LPAR1: variants seen among roughly 807,000 people sequenced by gnomAD.
LPAR1 encodes LPA receptor 1.
In LPAR1, 5 loss-of-function variants were observed where a neutral mutation model predicts 23.8. The ratio of observed to expected loss-of-function variants is 0.21; its 90% CI spans 0.11 to 0.44. LPAR1 has a LOEUF of 0.44. Ranked by LOEUF, LPAR1 falls within the 20% of genes least tolerant of loss-of-function variation. The pLI is 0.99. For synonymous variants in LPAR1, 160 were observed against 164.7 expected (o/e 0.97, Z 0.22); for missense variants, 311 against 482.8 (o/e 0.64, Z 3.33).
At chr9:111,015,462 G>T (rs1212058298) in intron 2 of LPAR1, among the ~76,000 whole-genome samples, 1 of 151,994 alleles carries the variant, frequency 6.6e-6, no homozygotes, top group African/African-American at 2.4e-5. Context: ...AGTACTATAC[G>T]ATCTCAACTT....
rs528128772 is a variant in LPAR1 at position 110,992,377 on chromosome 9, C to G, written c.-181-18819G>C. Among the ~76,000 whole-genome samples, 14 of 152,260 alleles carry G rather than the reference C, an allele frequency of 9.2e-5. No individual in the cohort carries two copies. The South Asian group carries it at 2.7e-3, about 29-fold the overall frequency. ...AAGTGTCAGTGAGGATTTAAAGAAG[C>G]TGCAACTCTCACACACTGATGTGGG... On this transcript the variant is annotated intron_variant, in intron 2 of 5. Coordinates refer to ENST00000683809, the MANE Select transcript of LPAR1 (RefSeq NM_001351411.2).
intron 2 of LPAR1, among the ~76,000 whole-genome samples, chr9:111,024,396 C>T (rs2097640323): frequency 6.8e-6 from 1 of 147,216 alleles, no homozygotes; most frequent in African/African-American, 2.5e-5. Flanking sequence ...TATATATATA[C>T]ACACACACAT....
intron 4 of LPAR1, among the ~76,000 whole-genome samples, chr9:110,946,505 A>G (rs2095385406): frequency 6.6e-6 from 1 of 152,208 alleles, no homozygotes; most frequent in African/African-American, 2.4e-5. Flanking sequence ...CCCATTATAC[A>G]GAGAAATTTT....
chr9:111,014,339 C>T (rs1303661475), intron 2 of LPAR1, among the ~76,000 whole-genome samples: 3 of 152,116 alleles, frequency 2.0e-5, no homozygotes, highest in Non-Finnish European at 2.9e-5. Context: ...CCATTTCTCT[C>T]GGCGCCTCTT....
chr9:111,030,311 A>G (rs1354995708), intron 2 of LPAR1, among the ~76,000 whole-genome samples: 1 of 152,196 alleles, frequency 6.6e-6, no homozygotes, highest in Non-Finnish European at 1.5e-5. Context: ...CACTTAGTTG[A>G]CAATAATCCT....
chr9:110,918,551 A>G (rs2182577), intron 5 of LPAR1, among the ~76,000 whole-genome samples: 119,494 of 151,910 alleles, frequency 0.79, 47,256 homozygotes, highest in African/African-American at 0.84. Flanking sequence ...AGCGGTCTGG[A>G]TATAAGATTT....
intron 2 of LPAR1, among the ~76,000 whole-genome samples, chr9:110,980,414 C>T (rs1213943400): frequency 6.6e-6 from 1 of 151,992 alleles, no homozygotes; most frequent in African/African-American, 2.4e-5. Context: ...CTCCTCTTTC[C>T]TGGCAAGCCT....
intron 5 of LPAR1, among the ~76,000 whole-genome samples, chr9:110,919,365 C>T (rs895087260): frequency 5.9e-5 from 9 of 152,204 alleles, no homozygotes; most frequent in Admixed American, 3.3e-4. Flanking sequence ...CTTCCCTAGT[C>T]GAGCCTCCAC....
At chr9:111,038,832 G>A (rs1417556312), upstream of LPAR1, 2 of 320,438 alleles carry the variant, frequency 6.2e-6, no homozygotes, top group South Asian at 2.2e-5. The surrounding 1 kb of genome is among the most constrained non-coding windows in gnomAD (Gnocchi z 4.4). Flanking sequence ...ACCCGTGGCC[G>A]CCAGCTCGGG....
intron 4 of LPAR1, among the ~76,000 whole-genome samples, chr9:110,967,024 G>A (rs1240397113): frequency 1.3e-5 from 2 of 152,124 alleles, no homozygotes; most frequent in Non-Finnish European, 2.9e-5. Context: ...AATATCCACA[G>A]GATACGAACA....
chr9:111,026,568 A>C (rs2097695980), intron 2 of LPAR1, among the ~76,000 whole-genome samples: 1 of 152,196 alleles, frequency 6.6e-6, no homozygotes, highest in Admixed American at 6.5e-5. Flanking sequence ...ACTATGTCGA[A>C]TAGGAGTGGT....
chr9:110,973,082 T>C (rs1305365069), intron 3 of LPAR1, among the ~76,000 whole-genome samples: 1 of 152,206 alleles, frequency 6.6e-6, no homozygotes, highest in Non-Finnish European at 1.5e-5. Flanking sequence ...ACAAATCACA[T>C]GGACAGTATG....
At chr9:110,880,948 C>T (rs1229607662) in intron 5 of LPAR1, among the ~76,000 whole-genome samples, 1 of 152,144 alleles carries the variant, frequency 6.6e-6, no homozygotes, top group Non-Finnish European at 1.5e-5. Flanking sequence ...TTAACAGAGC[C>T]TATGTCAGAA....
intron 5 of LPAR1, among the ~76,000 whole-genome samples, chr9:110,878,841 C>G (rs894478618): frequency 5.9e-5 from 9 of 152,106 alleles, no homozygotes; most frequent in Admixed American, 5.2e-4. Context: ...GCTGGCATGT[C>G]AAAAGGCTCT....
chr9:111,010,073 T>A (rs953081377), intron 2 of LPAR1, among the ~76,000 whole-genome samples: 1 of 140,634 alleles, frequency 7.1e-6, no homozygotes, highest in Non-Finnish European at 1.6e-5. Flanking sequence ...CAGTTGGCCA[T>A]AGAATTGTAT....
chr9:110,928,847 C>G (rs1355267515), intron 5 of LPAR1, among the ~76,000 whole-genome samples: 1 of 152,228 alleles, frequency 6.6e-6, no homozygotes, highest in Non-Finnish European at 1.5e-5. Context: ...CTTCATCCAT[C>G]TTTTCTGCAT....
chr9:111,038,774 A>G, upstream of LPAR1: 1 of 349,876 alleles, frequency 2.9e-6, no homozygotes, highest in Non-Finnish European at 5.7e-6. This position sits in a 1 kb window ranked among gnomAD's most constrained non-coding sequence, Gnocchi z 4.4. Context: ...TCATTATCTC[A>G]GCAGCCTCCC....
At chr9:110,989,968 GTAGATT>G in intron 2 of LPAR1, among the ~76,000 whole-genome samples, 1 of 17,518 alleles carries the variant, frequency 5.7e-5, no homozygotes, top group Non-Finnish European at 1.4e-4. Flanking sequence ...ATCTAACAGA[GTAGATT>G]AGTAGATTTT....
intron 5 of LPAR1, among the ~76,000 whole-genome samples, chr9:110,926,879 G>C (rs1459575889): frequency 6.6e-6 from 1 of 152,214 alleles, no homozygotes; most frequent in Non-Finnish European, 1.5e-5. Context: ...TGAATGCCAT[G>C]TAATTTAAAC....
Sources: allele counts gnomAD v4.1 joint callset (sites outside exome capture counted in the v4.1 genomes callset), GRCh38; gene constraint gnomAD v4.1.1; non-coding constraint Gnocchi (gnomAD v3.1); transcripts MANE v1.5; gene names NCBI Gene and HGNC (gene_info 2026-07-23, HGNC 2026-07-21).